The following PRR19 variants were observed in gnomAD, a reference collection of about 807,000 sequenced individuals.
PRR19 encodes proline rich 19, also known as proline-rich protein 19.
In PRR19, 9 loss-of-function variants were observed where a neutral mutation model predicts 19.2. The ratio of observed to expected loss-of-function variants is 0.47; its 90% confidence interval spans 0.28 to 0.82. The LOEUF is 0.82. Among genes scored for constraint, PRR19 ranks in the 40% least tolerant of loss-of-function variants. The pLI, the probability that PRR19 is intolerant of heterozygous loss-of-function variation, is 0.11. For missense variants in PRR19, 457 were observed against 466.0 expected (o/e 0.98, Z 0.18); for synonymous variants, 190 against 191.0 (o/e 0.99, Z 0.04).
intron 1 of PRR19, among the ~76,000 whole-genome samples, chr19:42,308,146 C>T (rs1486430340): frequency 1.3e-5 from 2 of 152,104 alleles, no homozygotes; most frequent in East Asian, 3.9e-4. Flanking sequence ...GCTGTGACTC[C>T]TTCGACTTCA....
At chr19:42,306,705 A>G (rs375712533) in intron 1 of PRR19, among the ~76,000 whole-genome samples, 5 of 152,190 alleles carry the variant, frequency 3.3e-5, no homozygotes, top group Admixed American at 3.3e-4. Context: ...CCTGGTCTCA[A>G]CTAGCCCTCG....
intron 1 of PRR19, among the ~76,000 whole-genome samples, chr19:42,306,323 G>T (rs912823477): frequency 7.2e-5 from 11 of 152,178 alleles, no homozygotes; most frequent in Non-Finnish European, 1.6e-4. Context: ...ACAGGCGCCC[G>T]CCACCACGCC....
intron 1 of PRR19, among the ~76,000 whole-genome samples, chr19:42,303,121 C>T (rs975423620): frequency 1.4e-5 from 2 of 143,970 alleles, no homozygotes; most frequent in Non-Finnish European, 3.0e-5. Flanking sequence ...ATCTAAAGTA[C>T]ATATCTTTGC....
At chr19:42,302,838 G>A (rs1327466296) in intron 1 of PRR19, 2 of 141,604 alleles carry the variant, frequency 1.4e-5, no homozygotes, top group Non-Finnish European at 3.1e-5. Flanking sequence ...ACGTGGTGGG[G>A]GGAGGGGAGC....
rs1190929257 is a variant in PRR19, at chr19:42,309,831, T to TCC, written c.249_250dup (p.Leu84ProfsTer2). 3 of 1,613,924 alleles carry TCC rather than the reference T, an allele frequency of 1.9e-6. No individual in the cohort carries two copies. In the East Asian group the frequency reaches 6.7e-5, roughly 36 times the overall value. On this transcript the variant is annotated frameshift_variant, in exon 2 of 3. Transcript: ENST00000341747. LOFTEE classifies it high-confidence loss of function. ...GGGTCTCTTCAACCACGAGGTGAAATCCCTAGATGTTGCAAGGCTGCTTAG... is the reference window on the plus strand; with the variant it reads ...GGGTCTCTTCAACCACGAGGTGAAATCCCCCTAGATGTTGCAAGGCTGCTTAG...
At chr19:42,306,655 G>A (rs576001658) in intron 1 of PRR19, among the ~76,000 whole-genome samples, 1 of 152,290 alleles carries the variant, frequency 6.6e-6, no homozygotes, top group Admixed American at 6.5e-5. Context: ...GGGGACAGCT[G>A]TGCATGGGGG....
Position 42,304,605 on chromosome 19 carries a change from C to T in PRR19, c.-7+2102C>T, listed in dbSNP as rs539796540. The stretch of plus-strand genomic sequence containing the variant: ...CTCTACTAAAAATACAAAAAATTAG[C>T]GGGGCGTGGTGGCAGGCGCCTGTTG... On this transcript the variant is annotated intron_variant, in intron 1 of 2. Coordinates refer to ENST00000341747, the MANE Select transcript of PRR19 (RefSeq NM_199285.3). 6.6e-5 allele frequency among the ~76,000 whole-genome samples: 10 copies of T among 151,678 alleles called. No homozygotes were observed. In the East Asian group the frequency reaches 1.2e-3, roughly 18 times the overall value.
At chr19:42,305,255 A>G (rs1430811891) in intron 1 of PRR19, among the ~76,000 whole-genome samples, 1 of 152,012 alleles carries the variant, frequency 6.6e-6, no homozygotes, top group Non-Finnish European at 1.5e-5. Context: ...AGTCTTAATT[A>G]TGCCTTCAAG....
chr19:42,304,320 C>G (rs2038682785), intron 1 of PRR19, among the ~76,000 whole-genome samples: 1 of 151,030 alleles, frequency 6.6e-6, no homozygotes, highest in African/African-American at 2.4e-5. Context: ...AATAAACAAA[C>G]AAATAAAGTC....
rs200757569 is a variant in PRR19, at chr19:42,304,262, C to T, written c.-7+1759C>T. ...CGCCACTGCAGCCCAGCCTGGGCAA[C>T]AGTGGCCCAGCTTGGGTGACACAGC... On this transcript the variant is annotated intron_variant, in intron 1 of 2. Coordinates refer to ENST00000341747, the MANE Select transcript of PRR19 (RefSeq NM_199285.3). 4.0e-5 allele frequency among the ~76,000 whole-genome samples: 6 copies of T among 151,782 alleles called. No individual in the cohort carries two copies. The South Asian group carries it at 8.3e-4, about 21-fold the overall frequency.
In PRR19 at chr19:42,310,708, G is replaced by C. The variant is rs2038787096; in HGVS notation, c.1039G>C (p.Ala347Pro). The C allele has an allele frequency of 1.3e-6, 2 of 1,569,892 alleles. No homozygotes were observed. The highest frequency in any genetic ancestry group is 2.7e-5 in the African/African-American group (2 of 73,712). ...SWVVAQSSPE[A>P]WSFPPMRLY is the part of the protein sequence containing the mutation. ...GGTAGTAGCCCAGAGCAGTCCGGAAGCCTGGTCTTTTCCACCCATGAGACT... is the reference window on the plus strand; with the variant it reads ...GGTAGTAGCCCAGAGCAGTCCGGAACCCTGGTCTTTTCCACCCATGAGACT... The change falls in exon 3 of 3, where the codon GCC (alanine) becomes CCC (proline). Residue 347 changes from alanine (A) to proline (P), a missense_variant. Physicochemically the swap from Ala to Pro is conservative, Grantham distance 27 (BLOSUM62 -1). Transcript: ENST00000341747.
rs180784147 is a variant in PRR19, at chr19:42,304,557, T to C, written c.-7+2054T>C. Among the ~76,000 whole-genome samples, 12 of 149,686 alleles carry C rather than the reference T, an allele frequency of 8.0e-5. No individual in the cohort carries two copies. The East Asian group carries it at 2.2e-3, about 28-fold the overall frequency. On this transcript the variant is annotated intron_variant, in intron 1 of 2. Transcript: ENST00000341747. ...CACGAGGTCAGGATCGAGACCATCC[T>C]GGCTAACACGGTGAAACCCCGTCTC...
chr19:42,310,793 C>G lies in PRR19; in HGVS notation c.*53C>G, dbSNP rs1426948144. 8.2e-7 allele frequency: 1 copy of G among 1,213,914 alleles called. No homozygotes were observed. The highest frequency in any genetic ancestry group is 1.2e-6 in the Non-Finnish European group (1 of 867,050). 75.2% of individuals were successfully genotyped at this position (1,213,914 alleles called of 1,614,324 possible). A position where few individuals can be genotyped will look rare whatever the true frequency, so the allele number is the denominator to read the frequency against. ...AGATATCTTGTACTCCCAGTGACCT[C>G]AATAAAGTACTTTTCATGGTCCTCT... On this transcript the variant is annotated 3_prime_UTR_variant, in exon 3 of 3. Coordinates refer to ENST00000341747, the MANE Select transcript of PRR19 (RefSeq NM_199285.3).
chr19:42,309,895 C>T lies in PRR19; in HGVS notation c.311C>T (p.Ala104Val), dbSNP rs1309544412. 3.1e-6 allele frequency: 5 copies of T among 1,613,888 alleles called. No homozygotes were observed. The highest frequency in any genetic ancestry group is 4.2e-6 in the Non-Finnish European group (5 of 1,180,010). The change falls in exon 2 of 3, where the codon GCC becomes GTC. Residue 104 changes from alanine to valine, a missense_variant. Ala to Val is a moderately conservative substitution (Grantham distance 64). Coordinates refer to ENST00000341747, the MANE Select transcript of PRR19 (RefSeq NM_199285.3). Reference sequence around the variant, plus strand: ...GTGCCAGGCAGCCCCACACTCCCCGCCAAGCCCTCCCCAAGCCCAGGCAGG... The same window carrying T: ...GTGCCAGGCAGCCCCACACTCCCCGTCAAGCCCTCCCCAAGCCCAGGCAGG... ...TLVPGSPTLP[A>V]KPSPSPGRAQ...
In PRR19 at chr19:42,310,677, C is replaced by T. The variant is rs1568543928; in HGVS notation, c.1008C>T (p.Leu336=). ...GCCCCCCTTCCCCACTGCCCAGCCT[C>T]TCCTGGGTAGTAGCCCAGAGCAGTC... ...SPSPPSPLPS[L]SWVVAQSSPE... Residue 336 remains leucine, a synonymous_variant, in exon 3 of 3, where the codon CTC becomes CTT. Transcript: ENST00000341747. 1 of 1,606,762 alleles carries T rather than the reference C, an allele frequency of 6.2e-7. No homozygotes were observed. The highest frequency in any genetic ancestry group is 1.1e-5 in the South Asian group (1 of 89,622).
Position 42,310,419 on chromosome 19 carries a change from G to C in PRR19, c.750G>C (p.Ala250=). ...PMPYTSSMPT[A]HRGSLAPPRG... ...CCTACACCTCCAGCATGCCCACTGC[G>C]CACAGGGGGAGTCTGGCACCGCCAA... The change falls in exon 3 of 3, where the codon GCG becomes GCC. Residue 250 remains alanine (A), a synonymous_variant. Transcript: ENST00000341747. 3 of 1,614,166 alleles carry C rather than the reference G, an allele frequency of 1.9e-6. No homozygotes were observed. The highest frequency in any genetic ancestry group is 2.5e-6 in the Non-Finnish European group (3 of 1,180,026).
chr19:42,303,032 A>G (rs2038664212), intron 1 of PRR19, among the ~76,000 whole-genome samples: 1 of 143,850 alleles, frequency 7.0e-6, no homozygotes, highest in South Asian at 2.2e-4. Context: ...GAGCCTATCT[A>G]CTCGTGGGCT....
rs1482071276 is a variant in PRR19, at chr19:42,310,446, A to G, written c.777A>G (p.Arg259=). ...TAHRGSLAPP[R]GPWPPYFPSL... ...ACAGGGGGAGTCTGGCACCGCCAAG[A>G]GGTCCCTGGCCACCATACTTTCCCT... is the stretch of plus-strand genomic sequence containing the variant. Residue 259 remains arginine, a synonymous_variant, in exon 3 of 3, where the codon AGA becomes AGG. Transcript: ENST00000341747. 2.0e-5 allele frequency: 33 copies of G among 1,614,038 alleles called. No homozygotes were observed. Among genetic ancestry groups the G allele is most frequent in the Non-Finnish European group, 2.8e-5 (33 of 1,180,034 alleles).
rs559974074 is a variant in PRR19 at position 42,305,997 on chromosome 19, GAGTCGCTGAATATAC to G, written c.-7+3500_-7+3514del. Among the ~76,000 whole-genome samples the G allele has an allele frequency of 1.4e-3, 218 of 152,210 alleles. 2 individuals are homozygous for G. The highest frequency in any genetic ancestry group is 1.9e-3 in the Non-Finnish European group (127 of 68,018). ...AGCAATTCTCCTGCCCCAGCCTGCT[GAGTCGCTGAATATAC>G]AGTCGTGAGCCAATGCATGTGGCCT... On this transcript the variant is annotated intron_variant, in intron 1 of 2. Transcript: ENST00000341747.
Sources: allele counts gnomAD v4.1 joint callset (sites outside exome capture counted in the v4.1 genomes callset), GRCh38; gene constraint gnomAD v4.1.1; transcripts MANE v1.5; gene names NCBI Gene and HGNC (gene_info 2026-07-23, HGNC 2026-07-21).